PRELID2: variants seen among roughly 807,000 people sequenced by gnomAD.
PRELID2 encodes the protein PRELI domain-containing protein 2.
Under a neutral mutation model 28.4 loss-of-function variants are expected in PRELID2, and 25 were observed. The observed-to-expected ratio is 0.88, with a 90% confidence interval of 0.64 to 1.23. The LOEUF is 1.23. Among genes scored for constraint, PRELID2 ranks in the 50% most tolerant of loss-of-function variants. The pLI is 0.00. For missense variants in PRELID2, 201 were observed against 214.4 expected (o/e 0.94, Z 0.39); for synonymous variants, 76 against 71.6 (o/e 1.06, Z -0.31).
the PRELID2 span, among the ~76,000 whole-genome samples, chr5:145,433,808 G>A: frequency 8.7e-4 from 132 of 152,248 alleles, no homozygotes; most frequent in Non-Finnish European, 3.7e-4. Context: ...AGGCATGGTA[G>A]CTTCTTCCTG....
chr5:145,514,176 C>T (rs958857440), intron 1 of PRELID2, among the ~76,000 whole-genome samples: 3 of 151,996 alleles, frequency 2.0e-5, no homozygotes, highest in African/African-American at 7.2e-5. Flanking sequence ...GGGTTAAATG[C>T]CGCAATTGAA....
chr5:145,618,310 C>T (rs1753729025), intron 1 of PRELID2, among the ~76,000 whole-genome samples: 1 of 152,172 alleles, frequency 6.6e-6, no homozygotes, highest in South Asian at 2.1e-4. Context: ...TTCGGATAGG[C>T]TCTGTTAGAG....
chr5:145,281,096 G>C, the PRELID2 span, among the ~76,000 whole-genome samples: 1 of 152,020 alleles, frequency 6.6e-6, no homozygotes, highest in South Asian at 2.1e-4. Context: ...TAGCAAAACT[G>C]GTAACTAGCA....
rs940916858 is a variant in PRELID2 at position 145,824,273 on chromosome 5, A to T, written c.76-1139T>A. Reference sequence around the variant, plus strand: ...ATTGGCAGGAAGTCTTATCCATGACATCACAAAGTGCTGAGCAGAAGGCAA... The same window carrying T: ...ATTGGCAGGAAGTCTTATCCATGACTTCACAAAGTGCTGAGCAGAAGGCAA... On this transcript the variant is annotated intron_variant, in intron 1 of 6. Coordinates refer to ENST00000683046, the MANE Select transcript of PRELID2 (RefSeq NM_205846.3). Among the ~76,000 whole-genome samples, 5 of 152,218 alleles carry T rather than the reference A, an allele frequency of 3.3e-5. No homozygotes were observed. In the East Asian group the frequency reaches 9.6e-4, roughly 29 times the overall value.
the PRELID2 span, among the ~76,000 whole-genome samples, chr5:145,369,469 G>T: frequency 6.6e-6 from 1 of 151,974 alleles, no homozygotes; most frequent in Non-Finnish European, 1.5e-5. Context: ...TTTTATGGCC[G>T]TGAAGTATTC....
chr5:145,540,415 T>C (rs1752736321), intron 1 of PRELID2, among the ~76,000 whole-genome samples: 1 of 151,998 alleles, frequency 6.6e-6, no homozygotes, highest in Non-Finnish European at 1.5e-5. Context: ...CACAGCAGTT[T>C]CTTGTGGTAC....
chr5:145,487,244 T>TA (rs61513901), intron 1 of PRELID2, among the ~76,000 whole-genome samples: 27 of 148,838 alleles, frequency 1.8e-4, no homozygotes, highest in African/African-American at 5.9e-4. Flanking sequence ...AGTATAATAA[T>TA]AAAAAAAAAG....
At chr5:145,588,475 A>G (rs1202891372) in intron 1 of PRELID2, among the ~76,000 whole-genome samples, 1 of 152,152 alleles carries the variant, frequency 6.6e-6, no homozygotes, top group Non-Finnish European at 1.5e-5. Flanking sequence ...GAATGAATGA[A>G]TAGACCTGTA....
chr5:145,345,695 A>T, the PRELID2 span, among the ~76,000 whole-genome samples: 1 of 152,152 alleles, frequency 6.6e-6, no homozygotes. Flanking sequence ...AAGGAAAAAA[A>T]CACATTAACG....
the PRELID2 span, among the ~76,000 whole-genome samples, chr5:145,321,802 C>T: frequency 6.6e-6 from 1 of 151,972 alleles, no homozygotes; most frequent in Admixed American, 6.6e-5. Flanking sequence ...CATGTGCTGC[C>T]CTCCCTTCCT....
At chr5:145,536,544 T>C (rs1453868562) in intron 1 of PRELID2, among the ~76,000 whole-genome samples, 1 of 151,896 alleles carries the variant, frequency 6.6e-6, no homozygotes, top group African/African-American at 2.4e-5. Flanking sequence ...GGCACTCTTT[T>C]ATTTATTTCC....
chr5:145,403,632 A>G, the PRELID2 span, among the ~76,000 whole-genome samples: 1 of 152,196 alleles, frequency 6.6e-6, no homozygotes, highest in African/African-American at 2.4e-5. Flanking sequence ...TGGGTTTGCT[A>G]TGTACCAGGA....
chr5:145,339,537 A>G, the PRELID2 span, among the ~76,000 whole-genome samples: 131 of 152,326 alleles, frequency 8.6e-4, no homozygotes, highest in African/African-American at 3.1e-3. Context: ...GTATCTGAGC[A>G]GCTGCATCTT....
the PRELID2 span, among the ~76,000 whole-genome samples, chr5:145,378,571 C>T: frequency 1.3e-5 from 2 of 152,152 alleles, no homozygotes; most frequent in African/African-American, 4.8e-5. Flanking sequence ...TTTGCTTGGT[C>T]TGTTCTGCCA....
chr5:145,543,740 CT>C (rs1404904279), intron 1 of PRELID2, among the ~76,000 whole-genome samples: 1 of 152,024 alleles, frequency 6.6e-6, no homozygotes, highest in African/African-American at 2.4e-5. Context: ...TTTTTTCCCC[CT>C]CCAACAACCT....
the PRELID2 span, among the ~76,000 whole-genome samples, chr5:145,436,587 A>ATTTGTTTTTTGTTTTTGTT: frequency 6.6e-6 from 1 of 152,000 alleles, no homozygotes; most frequent in Non-Finnish European, 1.5e-5. Context: ...CCTCGCCAGC[A>ATTTGTTTTTTGTTTTTGTT]TTTGTTTTTT....
chr5:145,594,541 A>T (rs1753275305), intron 1 of PRELID2, among the ~76,000 whole-genome samples: 1 of 152,202 alleles, frequency 6.6e-6, no homozygotes, highest in Non-Finnish European at 1.5e-5. Context: ...ATGTTCATTG[A>T]TGTATGCATG....
chr5:145,382,361 C>T, the PRELID2 span, among the ~76,000 whole-genome samples: 1 of 151,620 alleles, frequency 6.6e-6, no homozygotes, highest in South Asian at 2.1e-4. Flanking sequence ...ATTAATAGAC[C>T]AAATGTTTCA....
intron 1 of PRELID2, among the ~76,000 whole-genome samples, chr5:145,575,597 C>G (rs1382323534): frequency 6.6e-6 from 1 of 152,160 alleles, no homozygotes. Flanking sequence ...CTTCACACAA[C>G]AGACAGAGGG....
Sources: gnomAD v4.1 joint callset for allele counts (sites outside exome capture counted in the v4.1 genomes callset) on GRCh38, gnomAD v4.1.1 for gene constraint, MANE v1.5 for transcripts, NCBI Gene and HGNC (gene_info 2026-07-23, HGNC 2026-07-21) for gene names.